The following TSC2 variants were observed in gnomAD, a reference collection of about 807,000 sequenced individuals.
TSC2 encodes TSC complex subunit 2.
Under a neutral mutation model 202.2 loss-of-function variants are expected in TSC2, and 29 were observed. The observed-to-expected ratio is 0.14, with a 90% CI of 0.11 to 0.20. The LOEUF (loss-of-function observed/expected upper bound fraction) is 0.20, where lower values mean the gene tolerates loss of function less well. Ranked by LOEUF, TSC2 falls within the 10% of genes least tolerant of loss-of-function variation. The pLI, the probability that TSC2 is intolerant of heterozygous loss-of-function variation, is 1.00. For synonymous variants in TSC2, 1,349 were observed against 1,044.0 expected, an observed-to-expected ratio of 1.29 and a Z score of -5.63; for missense variants, 2,429 against 2,420.0, an observed-to-expected ratio of 1.00 and a Z score of -0.08.
chr16:2,054,229 G>A, intron 4 of TSC2, 67 bp from the exon 5 acceptor site: 1 of 1,612,456 alleles, frequency 6.2e-7, no homozygotes. Flanking sequence ...CTGCACTTCA[G>A]GGACTTCTTG....
chr16:2,082,710 G>GCCCTGTTCCCACGCTGTGCGAGCACT, intron 32 of TSC2: 1 of 651,392 alleles, frequency 1.5e-6, no homozygotes, highest in South Asian at 1.8e-5. Flanking sequence ...TTGTGGCTGA[G>GCCCTGTTCCCACGCTGTGCGAGCACT]CCCTGTTCCC....
intron 33 of TSC2, 57 bp downstream of exon 33, chr16:2,083,873 C>G (rs1027805966): frequency 3.8e-6 from 6 of 1,572,902 alleles, no homozygotes; most frequent in African/African-American, 2.7e-5. Context: ...TTAGGGGAGG[C>G]AGGGCTCTGC....
At chr16:2,072,187 G>A (rs538500197) in intron 19 of TSC2, 54 bp from the exon 20 acceptor site, 40 of 1,611,532 alleles carry the variant, frequency 2.5e-5, no homozygotes, top group Admixed American at 1.7e-4. Context: ...GCTAGCTTCC[G>A]CCTCTGTCTC....
rs199991910 is a variant in TSC2, at chr16:2,055,472, C to T, written c.552C>T (p.Val184=). Residue 184 remains valine, a synonymous_variant, in exon 6 of 42, where the codon GTC becomes GTT. Transcript: ENST00000219476. ...SEFLLVLVNL[V]KFNSCYLDEY... ...TCCTTCTGGTGCTGGTGAACTTGGT[C>T]AAATTCAATAGCTGTTACCTCGACG... 2.2e-4 allele frequency: 358 copies of T among 1,614,084 alleles called. 1 individual carries two copies. Among genetic ancestry groups the T allele is most frequent in the Non-Finnish European group, 2.9e-4 (344 of 1,180,054 alleles).
rs769246304 is a variant in TSC2, at chr16:2,086,297, G to A, written c.4767G>A (p.Pro1589=). The A allele has an allele frequency of 2.2e-5, 36 of 1,612,770 alleles. No individual in the cohort carries two copies. Among genetic ancestry groups the A allele is most frequent in the Middle Eastern group, 1.6e-4 (1 of 6,084 alleles). ...GRLIELKDCQ[P]DKVYLGGLDV... is the part of the protein sequence containing the mutation. ...TCATCGAGCTGAAGGACTGCCAGCC[G>A]GACAAGGTGTACCTGGGAGGCCTGG... The change falls in exon 37 of 42, where the codon CCG becomes CCA. Residue 1589 remains proline (P), a synonymous_variant. Coordinates refer to ENST00000219476, the MANE Select transcript of TSC2 (RefSeq NM_000548.5).
intron 32 of TSC2, 107 bp downstream of exon 32, chr16:2,082,611 T>G (rs1049113467): frequency 2.3e-6 from 3 of 1,293,764 alleles, no homozygotes; most frequent in African/African-American, 2.9e-5. Context: ...CTGCCTCCAT[T>G]GCCCTGGGGA....
chr16:2,053,872 C>A (rs1254848861), intron 4 of TSC2: 1 of 471,124 alleles, frequency 2.1e-6, no homozygotes, highest in African/African-American at 1.9e-5. Flanking sequence ...TTCCTGCCTC[C>A]CCTGGTCGGC....
intron 16 of TSC2, 55 bp from the exon 17 acceptor site, chr16:2,070,401 T>TTAGGACTGCGTTTTCAAGGGTGCTGTCC (rs1567456619): frequency 2.5e-6 from 4 of 1,612,548 alleles, no homozygotes; most frequent in Non-Finnish European, 3.4e-6. Context: ...GGGTGCTGTC[T>TTAGGACTGCGTTTTCAAGGGTGCTGTCC]TAGGACTGCG....
At chr16:2,069,901 C>T (rs2087996116) in intron 16 of TSC2, among the ~76,000 whole-genome samples, 1 of 152,208 alleles carries the variant, frequency 6.6e-6, no homozygotes, top group South Asian at 2.1e-4. Flanking sequence ...GCGTGAGCCA[C>T]CACACCTGGC....
chr16:2,050,606 T>G, intron 3 of TSC2, 120 bp downstream of exon 3: 1 of 815,052 alleles, frequency 1.2e-6, no homozygotes, highest in Non-Finnish European at 1.9e-6. Flanking sequence ...CACTTTTTTT[T>G]TTTTTTTTTT....
At chr16:2,062,056 G>C (rs1434193540) in intron 12 of TSC2, 48 bp downstream of exon 12, 2 of 1,612,052 alleles carry the variant, frequency 1.2e-6, no homozygotes, top group African/African-American at 2.7e-5. Flanking sequence ...CTGGTGGGGA[G>C]GGGCCGGGTG....
At chr16:2,062,910 G>A (rs45517167) in intron 13 of TSC2, 62 bp from the exon 14 acceptor site, 17 of 1,526,308 alleles carry the variant, frequency 1.1e-5, no homozygotes, top group Middle Eastern at 2.2e-4. Flanking sequence ...CCAGGCAGAC[G>A]GGCTGGTGTG....
rs770396146 is a variant in TSC2 at position 2,083,802 on chromosome 16, G to C, written c.3991G>C (p.Asp1331His). 1.2e-6 allele frequency: 2 copies of C among 1,611,300 alleles called. No individual in the cohort carries two copies. Among genetic ancestry groups the C allele is most frequent in the Middle Eastern group, 1.7e-4 (1 of 6,018 alleles). The change falls in exon 33 of 42, where the codon GAT becomes CAT. Residue 1331 changes from aspartate to histidine, a missense_variant. By Grantham distance (81) the Asp-to-His change is moderately conservative (BLOSUM62 -1). Coordinates refer to ENST00000219476, the MANE Select transcript of TSC2 (RefSeq NM_000548.5). The part of the protein sequence containing the change: ...EAALGMDRRT[D>H]AYSRSSSVSS... Reference sequence around the variant, plus strand: ...AGCGCTAGGCATGGACAGGCGCACGGATGCCTACAGCAGGGTGAGTGTGGC... The same window carrying C: ...AGCGCTAGGCATGGACAGGCGCACGCATGCCTACAGCAGGGTGAGTGTGGC...
chr16:2,085,236 T>C lies in TSC2; in HGVS notation c.4576T>C (p.Ser1526Pro). 6.2e-7 allele frequency: 1 copy of C among 1,612,680 alleles called. No homozygotes were observed. The highest frequency in any genetic ancestry group is 8.5e-7 in the Non-Finnish European group (1 of 1,179,934). Reference sequence around the variant, plus strand: ...AGGGCTCTGTGTGCCACAGTCACAGTCCTTTGAGCGGTCGGTGCAGCTCCT... The same window carrying C: ...AGGGCTCTGTGTGCCACAGTCACAGCCCTTTGAGCGGTCGGTGCAGCTCCT... ...KPILLPNESQSFERSVQLLDQ... is the reference protein window; with the variant it reads ...KPILLPNESQPFERSVQLLDQ... Residue 1526 changes from serine (S) to proline (P), a missense_variant, in exon 36 of 42, where the codon TCC (serine) becomes CCC (proline). By Grantham distance (74) the Ser-to-Pro change is moderately conservative. Coordinates refer to ENST00000219476, the MANE Select transcript of TSC2 (RefSeq NM_000548.5).
chr16:2,066,457 G>C (rs2087370443), intron 16 of TSC2: 1 of 152,290 alleles, frequency 6.6e-6, no homozygotes, highest in South Asian at 2.1e-4. Context: ...TGCGGTGAGT[G>C]GTGCTGCTGT....
Position 2,088,607 on chromosome 16 carries a change from G to A in TSC2, c.5421G>A (p.Val1807=), listed in dbSNP as rs1596464773. 1.2e-6 allele frequency: 2 copies of A among 1,602,504 alleles called. No individual in the cohort carries two copies. The highest frequency in any genetic ancestry group is 1.7e-6 in the Non-Finnish European group (2 of 1,179,516). The part of the protein sequence containing the change: ...ISSVEDFTEF[V] ...CGGTGGAGGACTTCACCGAGTTTGT[G>A]TGAGGCCGGGGCCCTCCCTCCTGCA... The change falls in exon 42 of 42, where the codon GTG becomes GTA. Residue 1807 remains valine, a synonymous_variant. Transcript: ENST00000219476.
At position 2,052,569 on chromosome 16, in the gene TSC2, C is replaced by T. The variant is rs544733640; in HGVS notation, c.226-773C>T. 4.6e-5 allele frequency among the ~76,000 whole-genome samples: 7 copies of T among 152,244 alleles called. No individual in the cohort carries two copies. The East Asian group carries it at 1.2e-3, about 25-fold the overall frequency. On this transcript the variant is annotated intron_variant, in intron 3 of 41. Coordinates refer to ENST00000219476, the MANE Select transcript of TSC2 (RefSeq NM_000548.5). ...ACGTGACCCTCTCCCCTCTGCCACC[C>T]GAAGTGCTGAGATTACAGGTGTGAG...
rs1203217976 is a variant in TSC2 at position 2,065,772 on chromosome 16, A to T, written c.1716+137A>T. On this transcript the variant is annotated intron_variant, in intron 16 of 41. Transcript: ENST00000219476. ...GATTTGCTGAGGGTGCGGTGGTCTC[A>T]GCAGGCAGCAGAACCTTCCTCCTGC... 3 of 767,542 alleles carry T rather than the reference A, an allele frequency of 3.9e-6. No homozygotes were observed. In the African/African-American group the frequency reaches 5.1e-5, roughly 13 times the overall value. 47.5% of individuals were successfully genotyped at this position (767,542 alleles called of 1,614,324 possible).
Position 2,054,326 on chromosome 16 carries a change from T to C in TSC2, c.367T>C (p.Phe123Leu). The C allele has an allele frequency of 1.9e-6, 3 of 1,614,202 alleles. No individual in the cohort carries two copies. Among genetic ancestry groups the C allele is most frequent in the Non-Finnish European group, 2.5e-6 (3 of 1,180,026 alleles). Reference protein sequence around the residue: ...GERLGVLRALFFKVIKDYPSN... With the variant: ...GERLGVLRALLFKVIKDYPSN... ...GCGTTTGGGGGTCCTCAGAGCCCTCTTCTTTAAGGTCATCAAGGATTACCC... is the reference window on the plus strand; with the variant it reads ...GCGTTTGGGGGTCCTCAGAGCCCTCCTCTTTAAGGTCATCAAGGATTACCC... The change falls in exon 5 of 42, where the codon TTC (phenylalanine) becomes CTC (leucine). Residue 123 changes from phenylalanine (F) to leucine (L), a missense_variant. Physicochemically the swap from Phe to Leu is conservative, Grantham distance 22 (BLOSUM62 0). Coordinates refer to ENST00000219476, the MANE Select transcript of TSC2 (RefSeq NM_000548.5).
Sources: allele counts gnomAD v4.1 joint callset (sites outside exome capture counted in the v4.1 genomes callset), GRCh38; gene constraint gnomAD v4.1.1; transcripts MANE v1.5; gene names NCBI Gene and HGNC (gene_info 2026-07-23, HGNC 2026-07-21).